The following RBFOX1 variants were observed in gnomAD, a reference collection of about 807,000 sequenced individuals.
The protein encoded by RBFOX1 is RNA binding fox-1 homolog 1.
Under a neutral mutation model 57.7 loss-of-function variants are expected in RBFOX1, and 8 were observed. The ratio of observed to expected loss-of-function variants is 0.14; its 90% CI spans 0.08 to 0.25. The LOEUF is 0.25. Ranked by LOEUF, RBFOX1 falls within the 10% of genes least tolerant of loss-of-function variation. The probability of loss-of-function intolerance (pLI) is 1.00; values close to 1 mark genes in which losing one functional copy is unlikely to be tolerated. For missense variants in RBFOX1, 611 were observed against 548.5 expected (o/e 1.11, Z -1.14); for synonymous variants, 326 against 222.4 (o/e 1.47, Z -4.15).
chr16:7,073,275 TCTA>T (rs1452044797), intron 4 of RBFOX1, among the ~76,000 whole-genome samples: 1 of 152,176 alleles, frequency 6.6e-6, no homozygotes, highest in Non-Finnish European at 1.5e-5. Flanking sequence ...GCCTAAAATT[TCTA>T]CTATTTGGCT....
chr16:5,990,808 T>C (rs1446471095), intron 4 of RBFOX1, among the ~76,000 whole-genome samples: 1 of 152,094 alleles, frequency 6.6e-6, no homozygotes, highest in Non-Finnish European at 1.5e-5. Context: ...AATCCATCTC[T>C]ACTAAAAATA....
At chr16:5,262,881 T>G (rs1318203205) in intron 1 of RBFOX1, among the ~76,000 whole-genome samples, 2 of 152,142 alleles carry the variant, frequency 1.3e-5, no homozygotes, top group African/African-American at 2.4e-5. Context: ...AAACACTCAC[T>G]CCATTGTAAC....
At chr16:6,129,599 A>G (rs2096614893) in intron 1 of RBFOX1, among the ~76,000 whole-genome samples, 4 of 152,094 alleles carry the variant, frequency 2.6e-5, no homozygotes, top group African/African-American at 9.7e-5. Context: ...AATAGGATAG[A>G]AAAAACAGTT....
At chr16:7,110,938 A>G (rs574478437) in intron 4 of RBFOX1, among the ~76,000 whole-genome samples, 2 of 152,306 alleles carry the variant, frequency 1.3e-5, no homozygotes, top group Admixed American at 1.3e-4. Flanking sequence ...ACACCAGGGC[A>G]TCCATGCTCT....
chr16:7,599,452 G>A (rs1009679832), intron 9 of RBFOX1, among the ~76,000 whole-genome samples: 3 of 100,284 alleles, frequency 3.0e-5, no homozygotes, highest in African/African-American at 7.6e-5. Context: ...AACTAGACCT[G>A]TAGGATTTTT....
At chr16:5,618,556 C>T (rs886357315) in intron 3 of RBFOX1, among the ~76,000 whole-genome samples, 1 of 152,192 alleles carries the variant, frequency 6.6e-6, no homozygotes, top group East Asian at 1.9e-4. Flanking sequence ...CCAGGATGTT[C>T]TCGATCTCCT....
chr16:6,360,182 A>G (rs985215333), intron 2 of RBFOX1, among the ~76,000 whole-genome samples: 2 of 152,152 alleles, frequency 1.3e-5, no homozygotes, highest in Non-Finnish European at 2.9e-5. Flanking sequence ...CCTTGTAATG[A>G]AAATAGGAAG....
chr16:5,556,082 G>A (rs1597508734), intron 2 of RBFOX1, among the ~76,000 whole-genome samples: 1 of 152,078 alleles, frequency 6.6e-6, no homozygotes, highest in African/African-American at 2.4e-5. Context: ...CCCTTTCCCT[G>A]TATTCTACTG....
At chr16:6,494,710 G>A (rs935206375) in intron 2 of RBFOX1, among the ~76,000 whole-genome samples, 15 of 152,208 alleles carry the variant, frequency 9.9e-5, no homozygotes, top group African/African-American at 2.9e-4. Flanking sequence ...GGGCCTTGGA[G>A]ATCTTTGATT....
At chr16:5,862,512 A>G (rs1249479882) in intron 3 of RBFOX1, among the ~76,000 whole-genome samples, 1 of 152,170 alleles carries the variant, frequency 6.6e-6, no homozygotes, top group Non-Finnish European at 1.5e-5. Flanking sequence ...GGAAGGGATA[A>G]TGTCCAACCA....
chr16:6,902,716 C>A (rs904008124), intron 3 of RBFOX1, among the ~76,000 whole-genome samples: 1 of 152,102 alleles, frequency 6.6e-6, no homozygotes, highest in South Asian at 2.1e-4. Context: ...GTCAAGACTC[C>A]ATGTAGAGAA....
chr16:7,185,557 T>C (rs2083556163), intron 4 of RBFOX1, among the ~76,000 whole-genome samples: 1 of 152,230 alleles, frequency 6.6e-6, no homozygotes, highest in Non-Finnish European at 1.5e-5. Context: ...CTTGGCCAGA[T>C]GGGATACAGT....
intron 1 of RBFOX1, among the ~76,000 whole-genome samples, chr16:5,423,806 ATT>A (rs1215848413): frequency 6.6e-6 from 1 of 151,970 alleles, no homozygotes; most frequent in Non-Finnish European, 1.5e-5. Context: ...ATCCAACCTG[ATT>A]TTGGCATAAA....
At chr16:6,291,351 G>C (rs747930578) in intron 1 of RBFOX1, among the ~76,000 whole-genome samples, 1 of 152,204 alleles carries the variant, frequency 6.6e-6, no homozygotes, top group Admixed American at 6.5e-5. Context: ...GCTGAGAGCC[G>C]TGAGTTCTCT....
At chr16:6,909,458 G>C (rs1342540483) in intron 3 of RBFOX1, among the ~76,000 whole-genome samples, 1 of 152,220 alleles carries the variant, frequency 6.6e-6, no homozygotes, top group East Asian at 1.9e-4. Context: ...ACACCTTTCA[G>C]AGATTACGAT....
At chr16:5,555,434 A>T (rs4344747) in intron 2 of RBFOX1, among the ~76,000 whole-genome samples, 1 of 151,170 alleles carries the variant, frequency 6.6e-6, no homozygotes, top group Non-Finnish European at 1.5e-5. Flanking sequence ...TATTTTTAGT[A>T]CAGACGCGGT....
At chr16:6,237,692 G>T (rs1055727863) in intron 1 of RBFOX1, among the ~76,000 whole-genome samples, 3 of 151,776 alleles carry the variant, frequency 2.0e-5, no homozygotes, top group Non-Finnish European at 4.4e-5. Flanking sequence ...AGTGAGCCAC[G>T]ATCACACCAC....
At chr16:6,085,571 C>T (rs1011037509) in intron 1 of RBFOX1, among the ~76,000 whole-genome samples, 1 of 152,136 alleles carries the variant, frequency 6.6e-6, no homozygotes, top group Admixed American at 6.5e-5. Flanking sequence ...GCCCGACCCT[C>T]ACACCCAGGT....
At chr16:5,478,627 G>A (rs1567142754) in intron 2 of RBFOX1, among the ~76,000 whole-genome samples, 2 of 152,172 alleles carry the variant, frequency 1.3e-5, no homozygotes. Flanking sequence ...TGCAGAAGGG[G>A]AACAAATGGG....
Sources: gnomAD v4.1 joint callset for allele counts (sites outside exome capture counted in the v4.1 genomes callset) on GRCh38, gnomAD v4.1.1 for gene constraint, MANE v1.5 for transcripts, NCBI Gene and HGNC (gene_info 2026-07-23, HGNC 2026-07-21) for gene names.